The following CNTNAP4 variants were observed in gnomAD, a reference collection of about 807,000 sequenced individuals.
CNTNAP4 encodes contactin-associated protein-like 4.
Under a neutral mutation model 148.4 loss-of-function variants are expected in CNTNAP4, and 98 were observed. The ratio of observed to expected loss-of-function variants is 0.66; its 90% CI spans 0.56 to 0.78. The LOEUF (loss-of-function observed/expected upper bound fraction) is 0.78, where lower values mean the gene tolerates loss of function less well. Among genes scored for constraint, CNTNAP4 ranks in the 30% least tolerant of loss-of-function variants. The pLI is 0.00. For synonymous variants in CNTNAP4, 730 were observed against 565.1 expected, an observed-to-expected ratio of 1.29 and a Z score of -4.14; for missense variants, 1,935 against 1,565.6, an observed-to-expected ratio of 1.24 and a Z score of -3.98.
intron 3 of CNTNAP4, among the ~76,000 whole-genome samples, chr16:76,378,558 C>A (rs1402286134): frequency 6.6e-6 from 1 of 152,166 alleles, no homozygotes; most frequent in Non-Finnish European, 1.5e-5. Flanking sequence ...CATGGAAGTT[C>A]TGGGTTTAGA....
chr16:76,427,842 A>G (rs1171359175), intron 4 of CNTNAP4, among the ~76,000 whole-genome samples: 1 of 152,152 alleles, frequency 6.6e-6, no homozygotes, highest in Non-Finnish European at 1.5e-5. Context: ...TTACTGATAC[A>G]TGGGAATGTA....
At chr16:76,496,719 T>G (rs1174333266) in intron 14 of CNTNAP4, among the ~76,000 whole-genome samples, 2 of 152,118 alleles carry the variant, frequency 1.3e-5, no homozygotes, top group African/African-American at 4.8e-5. Flanking sequence ...CTTTAAAGAA[T>G]AACAAAAGAT....
rs148869657 is a variant in CNTNAP4 at position 76,288,808 on chromosome 16, A to G, written c.85+11061A>G. 5.3e-3 allele frequency among the ~76,000 whole-genome samples: 806 copies of G among 152,292 alleles called. 3 individuals are homozygous for G. The highest frequency in any genetic ancestry group is 0.018 in the African/African-American group (749 of 41,562). On this transcript the variant is annotated intron_variant, in intron 1 of 23. Coordinates refer to ENST00000611870, the MANE Select transcript of CNTNAP4 (RefSeq NM_033401.5). ...ATTTTTTTTCAGTTGAAACACCAAAAACAGAGAAGATGAACAGAATCAGGC... is the reference window on the plus strand; with the variant it reads ...ATTTTTTTTCAGTTGAAACACCAAAGACAGAGAAGATGAACAGAATCAGGC...
chr16:76,366,962 T>C (rs1307786185), intron 3 of CNTNAP4, among the ~76,000 whole-genome samples: 1 of 152,028 alleles, frequency 6.6e-6, no homozygotes, highest in Non-Finnish European at 1.5e-5. Flanking sequence ...ATTCTGAATG[T>C]CATATAGAAA....
intron 2 of CNTNAP4, among the ~76,000 whole-genome samples, chr16:76,330,385 G>A (rs1033459469): frequency 1.3e-5 from 2 of 152,104 alleles, no homozygotes; most frequent in Admixed American, 1.3e-4. Context: ...ACCATAATGG[G>A]CCATGCAGTT....
At chr16:76,380,110 A>G (rs2015813663) in intron 3 of CNTNAP4, among the ~76,000 whole-genome samples, 1 of 152,240 alleles carries the variant, frequency 6.6e-6, no homozygotes, top group South Asian at 2.1e-4. Context: ...ATTTCAAGAT[A>G]TTAGAGTTCA....
intron 3 of CNTNAP4, among the ~76,000 whole-genome samples, chr16:76,390,827 G>A (rs1488297975): frequency 6.6e-6 from 1 of 151,952 alleles, no homozygotes; most frequent in Non-Finnish European, 1.5e-5. Context: ...CTCAAGTCTT[G>A]AATTTCTTTT....
At chr16:76,333,399 G>A (rs1435204984) in intron 2 of CNTNAP4, among the ~76,000 whole-genome samples, 4 of 152,166 alleles carry the variant, frequency 2.6e-5, no homozygotes, top group African/African-American at 9.7e-5. Context: ...CATTTCAGTT[G>A]TTGTACTTTG....
At chr16:76,507,359 T>A (rs2082870194) in intron 15 of CNTNAP4, among the ~76,000 whole-genome samples, 1 of 97,672 alleles carries the variant, frequency 1.0e-5, no homozygotes. Context: ...CATCCCCACC[T>A]CCTACTGGCC....
intron 2 of CNTNAP4, among the ~76,000 whole-genome samples, chr16:76,334,282 G>C (rs1418334380): frequency 6.6e-6 from 1 of 151,722 alleles, no homozygotes; most frequent in African/African-American, 2.4e-5. Flanking sequence ...TTTTGACAAA[G>C]ATTTCCTTAG....
intron 1 of CNTNAP4, among the ~76,000 whole-genome samples, chr16:76,302,448 C>T (rs1410623943): frequency 6.6e-6 from 1 of 152,032 alleles, no homozygotes; most frequent in African/African-American, 2.4e-5. Flanking sequence ...AGAGGCTGTC[C>T]ATCGTTTCTT....
At chr16:76,406,050 T>G (rs2078589753) in intron 3 of CNTNAP4, among the ~76,000 whole-genome samples, 1 of 152,036 alleles carries the variant, frequency 6.6e-6, no homozygotes, top group Non-Finnish European at 1.5e-5. Context: ...ACTATGTCTG[T>G]ACAAAAAATA....
intron 17 of CNTNAP4, among the ~76,000 whole-genome samples, chr16:76,535,173 G>A (rs1473989184): frequency 6.6e-6 from 1 of 152,132 alleles, no homozygotes; most frequent in African/African-American, 2.4e-5. Context: ...GTTTAAATAT[G>A]AAGGACAAAC....
At chr16:76,553,094 A>G (rs1232588203) in intron 21 of CNTNAP4, among the ~76,000 whole-genome samples, 189 bp from the exon 22 acceptor site, 1 of 152,218 alleles carries the variant, frequency 6.6e-6, no homozygotes, top group East Asian at 1.9e-4. Flanking sequence ...ACTTGACTTC[A>G]TTAACATTGG....
At chr16:76,305,583 G>A (rs970176602) in intron 1 of CNTNAP4, among the ~76,000 whole-genome samples, 2 of 152,104 alleles carry the variant, frequency 1.3e-5, no homozygotes, top group Admixed American at 6.6e-5. Flanking sequence ...AACTGGGGCC[G>A]ACCTGACCAT....
In CNTNAP4 at chr16:76,467,332, A is replaced by T. The variant is rs375871148; in HGVS notation, c.1484-20A>T. ...TCTGATTCATTGTGATGCGTACTGG[A>T]TTTATTTCGTTTTTATCAGGTTGTC... On this transcript the variant is annotated intron_variant, in intron 9 of 23. Coordinates refer to ENST00000611870, the MANE Select transcript of CNTNAP4 (RefSeq NM_033401.5). 1 of 1,611,426 alleles carries T rather than the reference A, an allele frequency of 6.2e-7. No individual in the cohort carries two copies. The highest frequency in any genetic ancestry group is 1.7e-5 in the Admixed American group (1 of 59,900).
chr16:76,405,317 T>C (rs969150952), intron 3 of CNTNAP4, among the ~76,000 whole-genome samples: 3 of 152,154 alleles, frequency 2.0e-5, no homozygotes, highest in African/African-American at 7.2e-5. Context: ...CTATAATTGC[T>C]AAGTAAAATA....
chr16:76,365,490 C>A (rs1000620471), intron 3 of CNTNAP4, among the ~76,000 whole-genome samples: 3 of 152,144 alleles, frequency 2.0e-5, no homozygotes, highest in Non-Finnish European at 4.4e-5. Flanking sequence ...GTGGCTCACA[C>A]CTGTAATCCC....
intron 4 of CNTNAP4, among the ~76,000 whole-genome samples, chr16:76,430,196 T>C (rs2079559372): frequency 6.6e-6 from 1 of 152,206 alleles, no homozygotes; most frequent in Non-Finnish European, 1.5e-5. Context: ...TTATTAAAGT[T>C]AATATGTGTC....
Sources: gnomAD v4.1 joint callset for allele counts (sites outside exome capture counted in the v4.1 genomes callset) on GRCh38, gnomAD v4.1.1 for gene constraint, MANE v1.5 for transcripts, NCBI Gene and HGNC (gene_info 2026-07-23, HGNC 2026-07-21) for gene names.